Variants in KIAA0825 observed in about 807,000 individuals in gnomAD.
KIAA0825 encodes the protein KIAA0825, also known as uncharacterized protein KIAA0825.
In KIAA0825, 119 loss-of-function variants were observed where a neutral mutation model predicts 147.6. The ratio of observed to expected loss-of-function variants is 0.81; its 90% CI spans 0.69 to 0.94. The LOEUF is 0.94. Ranked by LOEUF, KIAA0825 falls within the 40% of genes least tolerant of loss-of-function variation. The pLI, the probability that KIAA0825 is intolerant of heterozygous loss-of-function variation, is 0.00. For synonymous variants in KIAA0825, 470 were observed against 518.1 expected, an observed-to-expected ratio of 0.91 and a Z score of 1.26; for missense variants, 1,381 against 1,472.7, an observed-to-expected ratio of 0.94 and a Z score of 1.02.
chr5:94,373,562 G>C (rs1050740044), intron 20 of KIAA0825, among the ~76,000 whole-genome samples: 1 of 152,112 alleles, frequency 6.6e-6, no homozygotes, highest in Non-Finnish European at 1.5e-5. Context: ...GAGAGAATGA[G>C]ATCTAAGCAG....
At chr5:94,254,345 A>G (rs1015891626) in intron 20 of KIAA0825, among the ~76,000 whole-genome samples, 4 of 152,278 alleles carry the variant, frequency 2.6e-5, no homozygotes, top group African/African-American at 7.2e-5. Context: ...CATTGGTCCA[A>G]TTCCACAGGG....
At chr5:94,504,171 C>T (rs895609676) in intron 5 of KIAA0825, among the ~76,000 whole-genome samples, 1 of 152,048 alleles carries the variant, frequency 6.6e-6, no homozygotes, top group African/African-American at 2.4e-5. Context: ...TTGTAAGTAA[C>T]AATAAAGAAG....
intron 15 of KIAA0825, chr5:94,414,118 C>T (rs779366881): frequency 1.3e-5 from 2 of 152,158 alleles, no homozygotes; most frequent in African/African-American, 2.4e-5. Context: ...TGAATCTCAA[C>T]CCTTAATTTT....
intron 20 of KIAA0825, among the ~76,000 whole-genome samples, chr5:94,314,374 T>G (rs1441132699): frequency 1.3e-5 from 2 of 151,556 alleles, no homozygotes; most frequent in African/African-American, 2.4e-5. Context: ...ATGTGGCCAT[T>G]TAACAAGAAA....
intron 20 of KIAA0825, among the ~76,000 whole-genome samples, chr5:94,297,755 C>T (rs1283856112): frequency 6.6e-6 from 1 of 151,724 alleles, no homozygotes; most frequent in Non-Finnish European, 1.5e-5. Flanking sequence ...GTCACCACAC[C>T]CAGCTAATTT....
At chr5:94,444,610 A>C (rs1757507586) in intron 13 of KIAA0825, among the ~76,000 whole-genome samples, 1 of 152,134 alleles carries the variant, frequency 6.6e-6, no homozygotes, top group Non-Finnish European at 1.5e-5. Flanking sequence ...ATGGCCAATC[A>C]TGAGGGAAAG....
chr5:94,409,398 C>CTT (rs1458329548), intron 15 of KIAA0825, among the ~76,000 whole-genome samples: 9 of 152,108 alleles, frequency 5.9e-5, no homozygotes, highest in African/African-American at 2.2e-4. Flanking sequence ...TCTGAATGTA[C>CTT]TTTCAGGATC....
intron 20 of KIAA0825, among the ~76,000 whole-genome samples, chr5:94,209,325 G>A (rs554287283): frequency 1.3e-5 from 2 of 152,096 alleles, no homozygotes; most frequent in African/African-American, 4.8e-5. Context: ...CCAGATTCTA[G>A]AAATCTCTAT....
At chr5:94,179,798 A>G (rs1488181546) in intron 20 of KIAA0825, among the ~76,000 whole-genome samples, 1 of 152,142 alleles carries the variant, frequency 6.6e-6, no homozygotes, top group Non-Finnish European at 1.5e-5. Flanking sequence ...CTTGTGCAAC[A>G]AAGTAATGAT....
intron 20 of KIAA0825, among the ~76,000 whole-genome samples, chr5:94,197,403 CTATTCTG>C (rs1771236573): frequency 6.6e-6 from 1 of 152,090 alleles, no homozygotes; most frequent in African/African-American, 2.4e-5. Context: ...ATATTTTCTC[CTATTCTG>C]TAGGTTGTCT....
chr5:94,321,317 T>A (rs1780177317), intron 20 of KIAA0825, among the ~76,000 whole-genome samples: 2 of 151,990 alleles, frequency 1.3e-5, no homozygotes, highest in Non-Finnish European at 2.9e-5. Flanking sequence ...TAGCTAACAA[T>A]AAAATTATCT....
Position 94,441,653 on chromosome 5 carries a change from C to T in KIAA0825, c.2358-1532G>A, listed in dbSNP as rs767809123. Reference sequence around the variant, plus strand: ...TTTCTGCATGAGGATACAAGAAGTTCGCTATGGGAAACCTGGAAGAAGGCC... The same window carrying T: ...TTTCTGCATGAGGATACAAGAAGTTTGCTATGGGAAACCTGGAAGAAGGCC... On this transcript the variant is annotated intron_variant, in intron 13 of 20. Coordinates refer to ENST00000682413, the MANE Select transcript of KIAA0825 (RefSeq NM_001145678.3). Among the ~76,000 whole-genome samples the T allele has an allele frequency of 1.9e-4, 29 of 152,244 alleles. 1 individual carries two copies. Among genetic ancestry groups the T allele is most frequent in the Middle Eastern group, 3.4e-3 (1 of 294 alleles).
At chr5:94,584,992 A>G (rs1782998808) in intron 1 of KIAA0825, among the ~76,000 whole-genome samples, 1 of 152,200 alleles carries the variant, frequency 6.6e-6, no homozygotes, top group South Asian at 2.1e-4. Context: ...ACAAATGCTG[A>G]GAGATTTTGT....
In KIAA0825 at chr5:94,471,706, A is replaced by G. The variant is rs750231459; in HGVS notation, c.1481T>C (p.Leu494Pro). 1.3e-6 allele frequency: 2 copies of G among 1,552,386 alleles called. No homozygotes were observed. Among genetic ancestry groups the G allele is most frequent in the South Asian group, 2.4e-5 (2 of 84,062 alleles). ...GKFCSDIMEK[L>P]DTMLPLALAC... ...CAGAGCCAGTGGAAGCATTGTGTCA[A>G]GTTTTTCCATGATGTCAGAACAAAA... Residue 494 changes from leucine to proline, a missense_variant, in exon 9 of 21, where the codon CTT (leucine) becomes CCT (proline). Transcript: ENST00000682413.
chr5:94,319,505 T>A (rs896740306), intron 20 of KIAA0825, among the ~76,000 whole-genome samples: 2 of 151,916 alleles, frequency 1.3e-5, no homozygotes, highest in Non-Finnish European at 2.9e-5. Context: ...CAAAAGAGAA[T>A]TCTTGATTTT....
At chr5:94,314,947 T>A (rs569201677) in intron 20 of KIAA0825, among the ~76,000 whole-genome samples, 2 of 151,810 alleles carry the variant, frequency 1.3e-5, no homozygotes, top group South Asian at 4.1e-4. Context: ...TGTATTCGTA[T>A]GTTTAGTTGA....
At chr5:94,205,497 T>C (rs1772109019) in intron 20 of KIAA0825, among the ~76,000 whole-genome samples, 1 of 151,804 alleles carries the variant, frequency 6.6e-6, no homozygotes, top group Non-Finnish European at 1.5e-5. Context: ...TTCACCATGT[T>C]AGCCAGGATG....
At chr5:94,302,351 T>C (rs1387207130) in intron 20 of KIAA0825, among the ~76,000 whole-genome samples, 1 of 152,138 alleles carries the variant, frequency 6.6e-6, no homozygotes, top group Admixed American at 6.6e-5. Context: ...TGTAATACTT[T>C]GCTTGGTTGA....
intron 20 of KIAA0825, among the ~76,000 whole-genome samples, chr5:94,218,770 C>T (rs993285359): frequency 1.3e-5 from 2 of 152,178 alleles, no homozygotes; most frequent in African/African-American, 4.8e-5. Context: ...CCAATGTCAC[C>T]TGCTAACATC....
Sources: allele counts gnomAD v4.1 joint callset (sites outside exome capture counted in the v4.1 genomes callset), GRCh38; gene constraint gnomAD v4.1.1; transcripts MANE v1.5; gene names NCBI Gene and HGNC (gene_info 2026-07-23, HGNC 2026-07-21).